DPRX: variants seen among roughly 807,000 people sequenced by gnomAD.
DPRX encodes divergent-paired related homeobox, also known as divergent paired-related homeobox.
DPRX carries 11 observed loss-of-function variants against 8.4 expected under a neutral mutation model. The ratio of observed to expected loss-of-function variants is 1.31; its 90% CI spans 0.82 to 2.17. DPRX has a LOEUF of 2.17. Ranked by LOEUF, DPRX falls within the 30% of genes most tolerant of loss-of-function variation. The pLI, the probability that DPRX is intolerant of heterozygous loss-of-function variation, is 0.00. For synonymous variants in DPRX, 72 were observed against 87.0 expected (o/e 0.83, Z 0.96); for missense variants, 211 against 236.7 (o/e 0.89, Z 0.71).
chr19:53,635,027 C>G (rs189830596), intron 2 of DPRX, among the ~76,000 whole-genome samples: 19 of 152,194 alleles, frequency 1.2e-4, no homozygotes, highest in Non-Finnish European at 2.4e-4. Flanking sequence ...GGTTGGAGCA[C>G]GGTGGTGCAA....
At chr19:53,603,856 C>T in the DPRX span, among the ~76,000 whole-genome samples, 1,318 of 151,708 alleles carry the variant, frequency 8.7e-3, 21 homozygotes, top group African/African-American at 0.031. Flanking sequence ...AAGCAATCTC[C>T]TGCCTCGGCC....
chr19:53,606,096 A>G, the DPRX span: 1 of 152,232 alleles, frequency 6.6e-6, no homozygotes, highest in Non-Finnish European at 1.5e-5. This position sits in a 1 kb window ranked among gnomAD's most constrained non-coding sequence, Gnocchi z 4.8. Context: ...AACTCATAGA[A>G]AATGGATGAA....
upstream of DPRX, among the ~76,000 whole-genome samples, chr19:53,627,215 C>G (rs766255980): frequency 9.2e-5 from 14 of 152,036 alleles, no homozygotes; most frequent in Non-Finnish European, 1.9e-4. Flanking sequence ...TGATAATATA[C>G]AGCTGTCTTT....
the DPRX span, among the ~76,000 whole-genome samples, chr19:53,607,440 C>T: frequency 6.6e-6 from 1 of 152,036 alleles, no homozygotes; most frequent in East Asian, 1.9e-4. Context: ...CACCTCTAGT[C>T]CTAGCTACTC....
chr19:53,602,267 GGTGTGTGTGTGTGTGTGTGTGTGT>G, the DPRX span: 69 of 277,384 alleles, frequency 2.5e-4, no homozygotes, highest in East Asian at 6.3e-3. Context: ...TATGGGTATG[GGTGTGTGTGTGTGTGTGTGTGTGT>G]GTGTGTGTGT....
chr19:53,624,242 C>A, the DPRX span, among the ~76,000 whole-genome samples: 5 of 151,306 alleles, frequency 3.3e-5, no homozygotes, highest in Admixed American at 6.6e-5. Context: ...TGCCCGCCAC[C>A]ACGCCCAGCT....
chr19:53,618,586 G>T, the DPRX span, among the ~76,000 whole-genome samples: 1 of 140,416 alleles, frequency 7.1e-6, no homozygotes, highest in South Asian at 2.2e-4. Context: ...TGGGAGACCA[G>T]TCTGGGCAAC....
the DPRX span, chr19:53,606,217 T>C: frequency 0.87 from 131,871 of 152,138 alleles, 57,278 homozygotes; most frequent in East Asian, 0.99. This position sits in a 1 kb window ranked among gnomAD's most constrained non-coding sequence, Gnocchi z 4.8. Context: ...AAAAGGAGCC[T>C]GTCCTCAGCC....
chr19:53,609,997 T>C, the DPRX span, among the ~76,000 whole-genome samples: 3 of 134,772 alleles, frequency 2.2e-5, no homozygotes, highest in East Asian at 4.6e-4. Context: ...AAAATAAAAA[T>C]AAAAATAAGC....
At chr19:53,610,151 C>CAAAAAAAAAAAAAAAAA in the DPRX span, among the ~76,000 whole-genome samples, 1 of 77,734 alleles carries the variant, frequency 1.3e-5, no homozygotes. Context: ...AACTGTGTCT[C>CAAAAAAAAAAAAAAAAA]AAAAAAAAAA....
the DPRX span, among the ~76,000 whole-genome samples, chr19:53,622,514 C>T: frequency 2.7e-3 from 407 of 152,198 alleles, 1 homozygote; most frequent in African/African-American, 9.1e-3. Context: ...ATCTCAGTTA[C>T]TGTACTTTTA....
chr19:53,624,488 G>A, the DPRX span, among the ~76,000 whole-genome samples: 2 of 151,580 alleles, frequency 1.3e-5, no homozygotes, highest in Middle Eastern at 3.4e-3. Flanking sequence ...CTGCAACCTC[G>A]GTTCACTGAA....
the DPRX span, among the ~76,000 whole-genome samples, chr19:53,620,507 C>T: frequency 6.6e-6 from 1 of 151,818 alleles, no homozygotes; most frequent in African/African-American, 2.4e-5. Context: ...GGATTACAGA[C>T]ATGCGTCACT....
the DPRX span, among the ~76,000 whole-genome samples, chr19:53,602,973 T>TTA: frequency 8.1e-3 from 1,233 of 151,522 alleles, 13 homozygotes; most frequent in African/African-American, 0.027. Context: ...ACTTTTAATT[T>TTA]TATATATATA....
chr19:53,618,157 AAAG>A, the DPRX span, among the ~76,000 whole-genome samples: 1 of 58,148 alleles, frequency 1.7e-5, no homozygotes, highest in Non-Finnish European at 3.3e-5. Flanking sequence ...AAAAAAAAAG[AAAG>A]AAAGAAAGAA....
At position 53,634,530 on chromosome 19, in the gene DPRX, G is replaced by A. The variant is rs1317722621; in HGVS notation, c.29-1G>A. On this transcript the variant is annotated splice_acceptor_variant, in intron 1 of 2. Transcript: ENST00000376650. LOFTEE classifies it high-confidence loss of function. ...TTGTGTCTTTTTCCTCCTCTTTCAA[G>A]GCAAGGACCAGATGCATTCACACAG... 7 of 1,606,884 alleles carry A rather than the reference G, an allele frequency of 4.4e-6. No individual in the cohort carries two copies. Among genetic ancestry groups the A allele is most frequent in the Middle Eastern group, 3.3e-4 (2 of 5,980 alleles).
chr19:53,611,460 T>TG, the DPRX span, among the ~76,000 whole-genome samples: 8 of 151,948 alleles, frequency 5.3e-5, no homozygotes, highest in African/African-American at 1.9e-4. Context: ...CTTGGACTCC[T>TG]GGGCTGAAGT....
chr19:53,605,041 C>T, the DPRX span, among the ~76,000 whole-genome samples: 1 of 151,942 alleles, frequency 6.6e-6, no homozygotes, highest in African/African-American at 2.4e-5. Flanking sequence ...TGGCCAGGTG[C>T]AGGGGCTCAT....
chr19:53,621,864 C>T, the DPRX span, among the ~76,000 whole-genome samples: 2 of 152,190 alleles, frequency 1.3e-5, no homozygotes, highest in South Asian at 4.2e-4. Context: ...GCTGCTATAG[C>T]TATTTAAAAT....
Sources: gnomAD v4.1 joint callset for allele counts (sites outside exome capture counted in the v4.1 genomes callset) on GRCh38, gnomAD v4.1.1 for gene constraint, Gnocchi (gnomAD v3.1) non-coding constraint, MANE v1.5 for transcripts, NCBI Gene and HGNC (gene_info 2026-07-23, HGNC 2026-07-21) for gene names.